The following STAB1 variants were observed in gnomAD, a reference collection of about 807,000 sequenced individuals.
STAB1 encodes stabilin 1.
In STAB1, 250 loss-of-function variants were observed where a neutral mutation model predicts 332.4. The ratio of observed to expected loss-of-function variants is 0.75; its 90% CI spans 0.68 to 0.84. STAB1 has a LOEUF of 0.84. Ranked by LOEUF, STAB1 falls within the 40% of genes least tolerant of loss-of-function variation. The pLI is 0.00. For missense variants in STAB1, 3,249 were observed against 3,489.7 expected, an observed-to-expected ratio of 0.93 and a Z score of 1.74; for synonymous variants, 1,475 against 1,390.4, an observed-to-expected ratio of 1.06 and a Z score of -1.35.
chr3:52,522,878 T>G lies in STAB1; in HGVS notation c.6848T>G (p.Val2283Gly). ...ADCGNGRVGIVSLGARKNLSE... is the reference protein window; with the variant it reads ...ADCGNGRVGIGSLGARKNLSE... ...TGTGGCAATGGTCGGGTGGGCATAG[T>G]CAGCCTGGGTGCCCGCAAGAACCTC... Residue 2283 changes from valine (V) to glycine (G), a missense_variant, in exon 62 of 69, where the codon GTC becomes GGC. Val to Gly is a moderately radical substitution (Grantham distance 109, BLOSUM62 -3). Coordinates refer to ENST00000321725, the MANE Select transcript of STAB1 (RefSeq NM_015136.3). 6.2e-7 allele frequency: 1 copy of G among 1,613,250 alleles called. No homozygotes were observed. Among genetic ancestry groups the G allele is most frequent in the Admixed American group, 1.7e-5 (1 of 60,020 alleles).
At chr3:52,521,983 A>G in intron 58 of STAB1, 32 bp downstream of exon 58, 2 of 1,606,418 alleles carry the variant, frequency 1.2e-6, no homozygotes, top group Non-Finnish European at 1.7e-6. Context: ...TGGAGGTGGG[A>G]GGCCCCCACT....
chr3:52,518,628 G>T lies in STAB1; in HGVS notation c.4887+15G>T, dbSNP rs774714939. 1.9e-6 allele frequency: 3 copies of T among 1,609,480 alleles called. No individual in the cohort carries two copies. Among genetic ancestry groups the T allele is most frequent in the Non-Finnish European group, 2.5e-6 (3 of 1,178,498 alleles). On this transcript the variant is annotated intron_variant, in intron 47 of 68. Coordinates refer to ENST00000321725, the MANE Select transcript of STAB1 (RefSeq NM_015136.3). ...ACCTGTCGCAGGTATGCAGCCCCCAGAGCGAGGCTGGGCAGGGCTGGGTGC... is the reference window on the plus strand; with the variant it reads ...ACCTGTCGCAGGTATGCAGCCCCCATAGCGAGGCTGGGCAGGGCTGGGTGC...
chr3:52,519,414 G>A lies in STAB1; in HGVS notation c.5175+10G>A. 1 of 1,612,868 alleles carries A rather than the reference G, an allele frequency of 6.2e-7. No individual in the cohort carries two copies. The highest frequency in any genetic ancestry group is 8.5e-7 in the Non-Finnish European group (1 of 1,179,798). On this transcript the variant is annotated intron_variant, in intron 49 of 68. Coordinates refer to ENST00000321725, the MANE Select transcript of STAB1 (RefSeq NM_015136.3). ...TGCTCCCATCCCGAGGGTATGACAA[G>A]CACGGGCCTGGGAGCTGGAAGACAG...
At position 52,517,552 on chromosome 3, in the gene STAB1, C is replaced by CT; in HGVS notation, c.4567dup (p.Ser1523PhefsTer6). 6.2e-7 allele frequency: 1 copy of CT among 1,612,674 alleles called. No individual in the cohort carries two copies. Among genetic ancestry groups the CT allele is most frequent in the Non-Finnish European group, 8.5e-7 (1 of 1,179,828 alleles). ...CCACTGATCAAGACTGGGGACAGGT[C>CT]TCCTGCAGCTGCCGTGAGGGTTACA... On this transcript the variant is annotated frameshift_variant, in exon 44 of 69. Transcript: ENST00000321725. LOFTEE classifies it high-confidence loss of function.
chr3:52,521,680 C>T lies in STAB1; in HGVS notation c.6143C>T (p.Pro2048Leu). The T allele has an allele frequency of 1.2e-6, 2 of 1,612,866 alleles. No homozygotes were observed. The highest frequency in any genetic ancestry group is 1.7e-5 in the Admixed American group (1 of 59,948). ...TTCTGTGATGAAGGCTGGACTGGGC[C>T]ACGCTGTGAGGTGCAACTGGGTGAG... The part of the protein sequence containing the change: ...SCFCDEGWTG[P>L]RCEVQLELQP... Residue 2048 changes from proline (P) to leucine (L), a missense_variant, in exon 57 of 69, where the codon CCA becomes CTA. By Grantham distance (98) the Pro-to-Leu change is moderately conservative. Coordinates refer to ENST00000321725, the MANE Select transcript of STAB1 (RefSeq NM_015136.3).
chr3:52,514,595 A>G, intron 34 of STAB1, 99 bp downstream of exon 34: 1 of 1,570,364 alleles, frequency 6.4e-7, no homozygotes. Flanking sequence ...CCAACCTCTA[A>G]CCTCTGCTCC....
chr3:52,521,732 A>T, intron 57 of STAB1, 32 bp downstream of exon 57: 1 of 1,611,418 alleles, frequency 6.2e-7, no homozygotes, highest in Non-Finnish European at 8.5e-7. Flanking sequence ...CCCACCCTAC[A>T]CACTTGTGTA....
intron 3 of STAB1, 98 bp from the exon 4 acceptor site, chr3:52,501,908 C>T: frequency 1.3e-6 from 2 of 1,508,164 alleles, no homozygotes; most frequent in South Asian, 1.2e-5. Context: ...CTCTTGCTTC[C>T]TTGGGGGAGG....
At chr3:52,511,541 G>T in intron 25 of STAB1, 109 bp from the exon 26 acceptor site, 1 of 967,322 alleles carries the variant, frequency 1.0e-6, no homozygotes, top group Non-Finnish European at 1.5e-6. Context: ...TTCCTCTGGG[G>T]TCTGGGCAGA....
rs536764266 is a variant in STAB1 at position 52,503,028 on chromosome 3, C to G, written c.613C>G (p.Pro205Ala). The part of the protein sequence containing the change: ...ELPVCQELRC[P>A]QNTQCSAEAP... ...GCCCGTCTGCCAGGAGCTGCGCTGT[C>G]CCCAGAACACCCAGTGCTCCGCAGA... The change falls in exon 7 of 69, where the codon CCC becomes GCC. Residue 205 changes from proline (P) to alanine (A), a missense_variant. Pro to Ala is a conservative substitution (Grantham distance 27). Transcript: ENST00000321725. The G allele has an allele frequency of 6.2e-7, 1 of 1,600,314 alleles. No homozygotes were observed. The highest frequency in any genetic ancestry group is 1.7e-5 in the Admixed American group (1 of 58,658).
At chr3:52,510,617 T>G (rs1028154904) in intron 25 of STAB1, 110 bp downstream of exon 25, 82 of 1,398,228 alleles carry the variant, frequency 5.9e-5, no homozygotes, top group Non-Finnish European at 7.4e-5. Flanking sequence ...GAGCCTCAGG[T>G]GCAGATGAGA....
Position 52,521,865 on chromosome 3 carries a change from C to G in STAB1, c.6185C>G (p.Pro2062Arg), listed in dbSNP as rs537875899. 5 of 1,602,518 alleles carry G rather than the reference C, an allele frequency of 3.1e-6. No individual in the cohort carries two copies. The highest frequency in any genetic ancestry group is 2.7e-5 in the African/African-American group (2 of 74,812). The change falls in exon 58 of 69, where the codon CCA becomes CGA. Residue 2062 changes from proline to arginine, a missense_variant. Coordinates refer to ENST00000321725, the MANE Select transcript of STAB1 (RefSeq NM_015136.3). ...ACAGAGCTGCAGCCTGTGTGTACCC[C>G]ACCCTGTGCACCCGAGGCTGTGTGC... ...VQLELQPVCT[P>R]PCAPEAVCRA...
Position 52,511,739 on chromosome 3 carries a change from C to T in STAB1, c.2877C>T (p.His959=), listed in dbSNP as rs373105537. The change falls in exon 26 of 69, where the codon CAC becomes CAT. Residue 959 remains histidine, a synonymous_variant. Transcript: ENST00000321725. ...DPCRAGNGGC[H]GLATCRAVGG... ...GCCGGGCAGGCAATGGCGGCTGCCA[C>T]GGCCTGGTAAGGGGGTGCAAGGCTC... is the stretch of plus-strand genomic sequence containing the variant. The T allele has an allele frequency of 1.8e-4, 281 of 1,586,848 alleles. 1 individual carries two copies. The highest frequency in any genetic ancestry group is 5.3e-4 in the East Asian group (23 of 43,766).
chr3:52,520,438 G>A lies in STAB1; in HGVS notation c.5538G>A (p.Val1846=), dbSNP rs148637068. The change falls in exon 53 of 69, where the codon GTG becomes GTA. Residue 1846 remains valine, a synonymous_variant. Transcript: ENST00000321725. ...TGGGTGAGGATGATGCTCGCATTGT[G>A]CAGCGGCACTTGCCCTTTGAGGGTG... The part of the protein sequence containing the change: ...LMVGEDDARI[V]QRHLPFEGGL... 2 of 1,612,796 alleles carry A rather than the reference G, an allele frequency of 1.2e-6. No homozygotes were observed. Among genetic ancestry groups the A allele is most frequent in the Middle Eastern group, 3.3e-4 (2 of 6,060 alleles).
At chr3:52,519,203 GC>G (rs1435533319) in intron 48 of STAB1, 60 bp from the exon 49 acceptor site, 15 of 1,569,996 alleles carry the variant, frequency 9.6e-6, no homozygotes, top group Non-Finnish European at 1.3e-5. Flanking sequence ...TCCACCTCAG[GC>G]CCCGATAGCT....
rs146691173 is a variant in STAB1, at chr3:52,517,588, C to T, written c.4602C>T (p.Gly1534=). 2.0e-5 allele frequency: 32 copies of T among 1,612,796 alleles called. No individual in the cohort carries two copies. Among genetic ancestry groups the T allele is most frequent in the Non-Finnish European group, 2.7e-5 (32 of 1,179,904 alleles). ...GCCGTGAGGGTTACAGCGGGGATGG[C>T]ATCCGGACCTGCGAGCTCCTGGACC... ...CSCREGYSGD[G]IRTCELLDPC... is the part of the protein sequence containing the mutation. The change falls in exon 44 of 69, where the codon GGC becomes GGT. Residue 1534 remains glycine (G), a synonymous_variant. Coordinates refer to ENST00000321725, the MANE Select transcript of STAB1 (RefSeq NM_015136.3).
chr3:52,501,812 G>T, intron 3 of STAB1, 59 bp downstream of exon 3: 1 of 1,501,620 alleles, frequency 6.7e-7, no homozygotes, highest in Non-Finnish European at 9.1e-7. Context: ...CTCTGGGCAA[G>T]CCCTCTGCAG....
chr3:52,496,347 C>T (rs1000973912), intron 1 of STAB1, among the ~76,000 whole-genome samples: 6 of 152,204 alleles, frequency 3.9e-5, no homozygotes, highest in African/African-American at 1.2e-4. Context: ...TGAGGCTGAG[C>T]GTGTCTGCCT....
At chr3:52,519,708 C>A in intron 50 of STAB1, 144 bp downstream of exon 50, 1 of 1,298,608 alleles carries the variant, frequency 7.7e-7, no homozygotes, top group Non-Finnish European at 1.1e-6. Flanking sequence ...GTGCACAAGC[C>A]ACATCTGTGT....
Sources: allele counts gnomAD v4.1 joint callset (sites outside exome capture counted in the v4.1 genomes callset), GRCh38; gene constraint gnomAD v4.1.1; transcripts MANE v1.5; gene names NCBI Gene and HGNC (gene_info 2026-07-23, HGNC 2026-07-21).